Variants in ARIH2 observed in about 807,000 individuals in gnomAD.
ARIH2 encodes ariadne RBR E3 ubiquitin protein ligase 2, also known as E3 ubiquitin-protein ligase ARIH2.
Under a neutral mutation model 79.8 loss-of-function variants are expected in ARIH2, and 12 were observed. The observed-to-expected ratio is 0.15, with a 90% CI of 0.10 to 0.24. The LOEUF is 0.24. Among genes scored for constraint, ARIH2 ranks in the 10% least tolerant of loss-of-function variants. The pLI, the probability that ARIH2 is intolerant of heterozygous loss-of-function variation, is 1.00. For missense variants in ARIH2, 301 were observed against 618.3 expected (o/e 0.49, Z 5.44); for synonymous variants, 224 against 213.9 (o/e 1.05, Z -0.41).
intron 3 of ARIH2, among the ~76,000 whole-genome samples, chr3:48,939,775 A>C (rs1474404499): frequency 1.6e-4 from 23 of 147,316 alleles, no homozygotes; most frequent in Non-Finnish European, 3.0e-4. Context: ...AAAAAAAAAA[A>C]ACAAAAACAA....
At position 48,920,492 on chromosome 3, in the gene ARIH2, CTTTTTTT is replaced by C. The variant is rs1242750147; in HGVS notation, c.-162+1507_-162+1513del. 1.7e-4 allele frequency among the ~76,000 whole-genome samples: 7 copies of C among 40,986 alleles called. 3 individuals carry two copies. The highest frequency in any genetic ancestry group is 2.2e-4 in the Non-Finnish European group (5 of 23,178). The allele number at this position is 40,986 out of a possible 152,430, so 26.9% of individuals were successfully genotyped here. On this transcript the variant is annotated intron_variant, in intron 1 of 15. Coordinates refer to ENST00000356401, the MANE Select transcript of ARIH2 (RefSeq NM_006321.4). The stretch of plus-strand genomic sequence containing the variant: ...TTGGTGAGAAGCCTGTGAGCAATTT[CTTTTTTT>C]TTTTTTTTTTTTGACACGGAGTCTC...
At chr3:48,962,751 C>T (rs957495020) in intron 4 of ARIH2, among the ~76,000 whole-genome samples, 1 of 152,226 alleles carries the variant, frequency 6.6e-6, no homozygotes, top group African/African-American at 2.4e-5. Flanking sequence ...ATCAAAATGT[C>T]TCCAAACATT....
chr3:48,958,619 G>A (rs1293893097), intron 3 of ARIH2, among the ~76,000 whole-genome samples: 1 of 151,996 alleles, frequency 6.6e-6, no homozygotes, highest in Admixed American at 6.6e-5. Context: ...CTGAGGCAGA[G>A]AATTGCTTGA....
chr3:48,969,895 T>G (rs2092078166), intron 7 of ARIH2, among the ~76,000 whole-genome samples: 1 of 150,910 alleles, frequency 6.6e-6, no homozygotes, highest in Admixed American at 6.6e-5. Context: ...GATATATGTT[T>G]TTTTTTTTTT....
At chr3:48,933,636 G>T (rs1029414528) in intron 3 of ARIH2, among the ~76,000 whole-genome samples, 4 of 143,690 alleles carry the variant, frequency 2.8e-5, no homozygotes, top group African/African-American at 1.0e-4. Context: ...TGCAAGCTCC[G>T]CCTACCGGGT....
rs767124951 is a variant in ARIH2 at position 48,982,990 on chromosome 3, A to G, written c.1410+11A>G. The stretch of plus-strand genomic sequence containing the variant: ...AGCTATGACAGAGGGGTAAGTGCCT[A>G]CTGTCCTCTTGGATTCTATATTGCA... On this transcript the variant is annotated intron_variant, in intron 15 of 15. Transcript: ENST00000356401. The G allele has an allele frequency of 9.9e-6, 16 of 1,611,678 alleles. No homozygotes were observed. The Admixed American group carries it at 2.3e-4, about 23-fold the overall frequency.
intron 11 of ARIH2, among the ~76,000 whole-genome samples, chr3:48,976,316 C>T (rs937509420): frequency 1.3e-5 from 2 of 150,924 alleles, no homozygotes; most frequent in Non-Finnish European, 1.5e-5. Flanking sequence ...TGGGTTCAAG[C>T]GATTCTCACT....
At chr3:48,976,177 G>T (rs1384443803) in intron 11 of ARIH2, among the ~76,000 whole-genome samples, 1 of 148,254 alleles carries the variant, frequency 6.7e-6, no homozygotes, top group Non-Finnish European at 1.5e-5. Flanking sequence ...CTCTTAAAGT[G>T]CTGGGATTAT....
Position 48,979,642 on chromosome 3 carries a change from C to T in ARIH2, c.1113+9C>T. The T allele has an allele frequency of 6.2e-7, 1 of 1,613,586 alleles. No homozygotes were observed. Among genetic ancestry groups the T allele is most frequent in the Non-Finnish European group, 8.5e-7 (1 of 1,179,884 alleles). The stretch of plus-strand genomic sequence containing the variant: ...TATTCTACTTTGAGAGGGTAGGTGT[C>T]CTCTCCTGTACCTTCCCCTACAGGG... On this transcript the variant is annotated intron_variant, in intron 12 of 15. Transcript: ENST00000356401.
At chr3:48,978,467 A>G (rs12491018) in intron 11 of ARIH2, among the ~76,000 whole-genome samples, 1,067 of 42,838 alleles carry the variant, frequency 0.025, 11 homozygotes, top group East Asian at 0.23. Context: ...GTGTGTGTGT[A>G]TATATATATA....
At position 48,980,367 on chromosome 3, in the gene ARIH2, T is replaced by A; in HGVS notation, c.1128T>A (p.Asn376Lys). ...LFYFERWENH[N>K]KSLQLEAQTY... is the part of the protein sequence containing the mutation. ...GTGCCCTGTAGTGGGAAAACCACAA[T>A]AAAAGCTTGCAGCTAGAGGCACAGA... The change falls in exon 13 of 16, where the codon AAT becomes AAA. Residue 376 changes from asparagine to lysine, a missense_variant. Asn to Lys is a moderately conservative substitution (Grantham distance 94, BLOSUM62 0). Around this residue, in one of 2 missense-constraint regions of ARIH2, gnomAD observed 78 missense variants for 268.9 expected, o/e 0.29. Transcript: ENST00000356401. The A allele has an allele frequency of 6.2e-7, 1 of 1,613,512 alleles. No homozygotes were observed. The highest frequency in any genetic ancestry group is 8.5e-7 in the Non-Finnish European group (1 of 1,179,872).
At chr3:48,931,566 A>G (rs1559726969) in intron 3 of ARIH2, among the ~76,000 whole-genome samples, 2 of 151,846 alleles carry the variant, frequency 1.3e-5, no homozygotes, top group Non-Finnish European at 2.9e-5. Context: ...AAAAAGAGAA[A>G]AAATTTTTAA....
chr3:48,922,761 T>C lies in ARIH2; in HGVS notation c.-148T>C, dbSNP rs1347011370. ...TTTTCATTTTAGATGGAAATCATAT[T>C]ATGTAGAATACTTGGGTGACATCTG... On this transcript the variant is annotated 5_prime_UTR_variant, in exon 2 of 16. Coordinates refer to ENST00000356401, the MANE Select transcript of ARIH2 (RefSeq NM_006321.4). The C allele has an allele frequency of 3.9e-5, 6 of 152,174 alleles. No homozygotes were observed. The allele number at this position is 152,174 out of a possible 1,614,324, so 9.4% of individuals were successfully genotyped here.
intron 5 of ARIH2, among the ~76,000 whole-genome samples, chr3:48,965,601 C>T (rs968174436): frequency 7.2e-5 from 11 of 152,118 alleles, no homozygotes; most frequent in Admixed American, 2.6e-4. Flanking sequence ...CTGTTTGTGC[C>T]TTCCCTTCCT....
chr3:48,919,224 A>G (rs2084378364), intron 1 of ARIH2: 2 of 1,256,430 alleles, frequency 1.6e-6, no homozygotes, highest in African/African-American at 3.1e-5. Flanking sequence ...GCTCTCGGAA[A>G]GGTCAGAGGC....
chr3:48,982,595 C>T (rs554136865), intron 14 of ARIH2: 218 of 299,918 alleles, frequency 7.3e-4, no homozygotes, highest in Middle Eastern at 9.3e-4. Flanking sequence ...TTACAGCATC[C>T]ATTCCCTTTC....
At chr3:48,947,082 G>C (rs2089262730) in intron 3 of ARIH2, among the ~76,000 whole-genome samples, 1 of 152,170 alleles carries the variant, frequency 6.6e-6, no homozygotes, top group South Asian at 2.1e-4. Flanking sequence ...TGTTGGTAAG[G>C]AGCTGGCTGA....
At chr3:48,945,392 C>T (rs1326703424) in intron 3 of ARIH2, among the ~76,000 whole-genome samples, 1 of 152,186 alleles carries the variant, frequency 6.6e-6, no homozygotes, top group Non-Finnish European at 1.5e-5. Context: ...GCTATTTTAG[C>T]ATGTGCCTTG....
intron 15 of ARIH2, 109 bp from the exon 16 acceptor site, chr3:48,983,090 G>A (rs967122019): frequency 2.0e-6 from 3 of 1,502,964 alleles, no homozygotes; most frequent in Non-Finnish European, 2.8e-6. Flanking sequence ...AGAATGGGAA[G>A]GGCAGTGTTT....
Sources: gnomAD v4.1 joint callset for allele counts (sites outside exome capture counted in the v4.1 genomes callset) on GRCh38, gnomAD v4.1.1 for gene constraint, gnomAD v4.1.1 regional missense constraint, MANE v1.5 for transcripts, NCBI Gene and HGNC (gene_info 2026-07-23, HGNC 2026-07-21) for gene names.